ARHGEF28: variants seen among roughly 807,000 people sequenced by gnomAD.
ARHGEF28 encodes Rho guanine nucleotide exchange factor 28.
Under a neutral mutation model 206.6 loss-of-function variants are expected in ARHGEF28, and 152 were observed. The observed-to-expected ratio is 0.74, with a 90% CI of 0.64 to 0.84. The LOEUF is 0.84. Among genes scored for constraint, ARHGEF28 ranks in the 40% least tolerant of loss-of-function variants. The pLI is 0.00. For missense variants in ARHGEF28, 2,028 were observed against 2,073.2 expected (o/e 0.98, Z 0.42); for synonymous variants, 763 against 776.4 (o/e 0.98, Z 0.29).
At chr5:73,795,245 A>G (rs1754732508) in intron 8 of ARHGEF28, 86 bp from the exon 9 acceptor site, 10 of 1,211,452 alleles carry the variant, frequency 8.3e-6, no homozygotes, top group Non-Finnish European at 1.2e-5. Flanking sequence ...ATGCTTTCCA[A>G]GGTTGTTTTT....
intron 35 of ARHGEF28, among the ~76,000 whole-genome samples, chr5:73,926,975 G>A (rs1429107853): frequency 1.3e-5 from 2 of 152,154 alleles, no homozygotes; most frequent in Non-Finnish European, 2.9e-5. Flanking sequence ...TTAAAGAGGA[G>A]TTAATTACAT....
intron 14 of ARHGEF28, among the ~76,000 whole-genome samples, chr5:73,857,228 T>A (rs1337122025): frequency 6.6e-6 from 1 of 152,194 alleles, no homozygotes; most frequent in Non-Finnish European, 1.5e-5. Context: ...AAAATCCAGT[T>A]GCATATTGTT....
At chr5:73,810,241 T>C (rs564946821) in intron 9 of ARHGEF28, among the ~76,000 whole-genome samples, 84 of 152,336 alleles carry the variant, frequency 5.5e-4, no homozygotes, top group African/African-American at 1.9e-3. Context: ...AATGAGTACA[T>C]TGGAAAGTCT....
intron 35 of ARHGEF28, among the ~76,000 whole-genome samples, chr5:73,912,598 A>G (rs1031173756): frequency 2.6e-5 from 4 of 152,216 alleles, no homozygotes; most frequent in African/African-American, 9.7e-5. Context: ...TACATTACTT[A>G]AGTCACCGTG....
At chr5:73,729,519 A>G (rs1750479854) in intron 2 of ARHGEF28, among the ~76,000 whole-genome samples, 1 of 152,200 alleles carries the variant, frequency 6.6e-6, no homozygotes. Flanking sequence ...TAAATATTGA[A>G]CAATTCTCAT....
chr5:73,826,824 CA>C (rs1393483217), intron 9 of ARHGEF28, among the ~76,000 whole-genome samples: 1 of 152,086 alleles, frequency 6.6e-6, no homozygotes, highest in Non-Finnish European at 1.5e-5. Context: ...GCATTTAGTA[CA>C]GGAAGGATGG....
At chr5:73,761,275 T>G (rs935941269) in intron 4 of ARHGEF28, among the ~76,000 whole-genome samples, 1 of 152,138 alleles carries the variant, frequency 6.6e-6, no homozygotes, top group East Asian at 1.9e-4. Flanking sequence ...AAAGTTAAAA[T>G]TTTGCTATTC....
At chr5:73,724,444 TC>T (rs375693119) in intron 2 of ARHGEF28, among the ~76,000 whole-genome samples, 1 of 151,880 alleles carries the variant, frequency 6.6e-6, no homozygotes, top group African/African-American at 2.4e-5. Flanking sequence ...TATAGTAAAA[TC>T]CCCCCCTTTT....
chr5:73,804,262 G>C (rs1043737104), intron 9 of ARHGEF28, among the ~76,000 whole-genome samples: 1 of 152,048 alleles, frequency 6.6e-6, no homozygotes, highest in African/African-American at 2.4e-5. Context: ...AAACCTCTCA[G>C]GGAGTTCACT....
intron 2 of ARHGEF28, among the ~76,000 whole-genome samples, chr5:73,746,036 A>G (rs73762198): frequency 0.023 from 3,459 of 152,222 alleles, 120 homozygotes; most frequent in African/African-American, 0.079. Flanking sequence ...AACACAGGAA[A>G]TACTTCCAAA....
At position 73,741,427 on chromosome 5, in the gene ARHGEF28, A is replaced by G. The variant is rs367750745; in HGVS notation, c.34-8410A>G. 5.1e-4 allele frequency among the ~76,000 whole-genome samples: 16 copies of G among 31,214 alleles called. 1 individual carries two copies. In the South Asian group the frequency reaches 5.3e-3, roughly 10 times the overall value. 20.5% of individuals were successfully genotyped at this position (31,214 alleles called of 152,430 possible). ...TATATATATATATATATATATATAT[A>G]TATATATATATATATGTATACTCAC... On this transcript the variant is annotated intron_variant, in intron 2 of 35. Transcript: ENST00000513042.
At chr5:73,709,722 A>G (rs1749135545) in intron 2 of ARHGEF28, among the ~76,000 whole-genome samples, 1 of 152,178 alleles carries the variant, frequency 6.6e-6, no homozygotes, top group African/African-American at 2.4e-5. Context: ...CAGCAGATGC[A>G]GTTTGTCAGT....
At chr5:73,770,569 G>A (rs1157494229) in intron 4 of ARHGEF28, among the ~76,000 whole-genome samples, 2 of 152,142 alleles carry the variant, frequency 1.3e-5, no homozygotes, top group Non-Finnish European at 2.9e-5. Context: ...TCCCACCTCT[G>A]CCAAATTGTA....
chr5:73,692,311 C>T (rs1222724379), intron 2 of ARHGEF28, among the ~76,000 whole-genome samples: 2 of 152,056 alleles, frequency 1.3e-5, no homozygotes, highest in Non-Finnish European at 2.9e-5. Context: ...TTCCACCCTT[C>T]TGAGGTGCTG....
chr5:73,849,884 C>T (rs963443758), intron 13 of ARHGEF28, among the ~76,000 whole-genome samples: 3 of 151,748 alleles, frequency 2.0e-5, no homozygotes, highest in Admixed American at 1.3e-4. Flanking sequence ...ATGCATAATA[C>T]ATAGCATTAT....
At chr5:73,779,342 G>C (rs1042249390) in intron 6 of ARHGEF28, among the ~76,000 whole-genome samples, 7 of 152,110 alleles carry the variant, frequency 4.6e-5, no homozygotes, top group African/African-American at 1.7e-4. Context: ...TCACTCCACA[G>C]CTTGGCTAAA....
intron 16 of ARHGEF28, among the ~76,000 whole-genome samples, chr5:73,859,563 T>C (rs993546369): frequency 6.6e-6 from 1 of 152,234 alleles, no homozygotes. Flanking sequence ...ATGCTGACTT[T>C]ATTGCATGTT....
chr5:73,848,716 C>T (rs964259889), intron 12 of ARHGEF28, among the ~76,000 whole-genome samples: 9 of 152,018 alleles, frequency 5.9e-5, no homozygotes, highest in African/African-American at 2.2e-4. Context: ...CATTTTTAGC[C>T]AAGTTGGCTA....
chr5:73,746,171 T>A (rs1378532480), intron 2 of ARHGEF28, among the ~76,000 whole-genome samples: 1 of 152,140 alleles, frequency 6.6e-6, no homozygotes, highest in African/African-American at 2.4e-5. Context: ...TTTGGAAGCA[T>A]TTCTAGAATT....
Sources: gnomAD v4.1 joint callset for allele counts (sites outside exome capture counted in the v4.1 genomes callset) on GRCh38, gnomAD v4.1.1 for gene constraint, MANE v1.5 for transcripts, NCBI Gene and HGNC (gene_info 2026-07-23, HGNC 2026-07-21) for gene names.